The following ADGRL2 variants were observed in gnomAD, a reference collection of about 807,000 sequenced individuals.
ADGRL2 encodes adhesion G protein-coupled receptor L2, also known as calcium-independent alpha-latrotoxin receptor 2.
Under a neutral mutation model 157.4 loss-of-function variants are expected in ADGRL2, and 44 were observed. That is an observed-to-expected ratio of 0.28 (90% CI 0.22 to 0.36). The LOEUF (loss-of-function observed/expected upper bound fraction) is 0.36, where lower values mean the gene tolerates loss of function less well. Among genes scored for constraint, ADGRL2 ranks in the 10% least tolerant of loss-of-function variants. The pLI is 1.00. For synonymous variants in ADGRL2, 585 were observed against 624.7 expected (o/e 0.94, Z 0.95); for missense variants, 1,510 against 1,768.9 (o/e 0.85, Z 2.63).
At chr1:81,410,316 C>T (rs564082120) in intron 1 of ADGRL2, among the ~76,000 whole-genome samples, 25 of 152,284 alleles carry the variant, frequency 1.6e-4, no homozygotes, top group African/African-American at 6.0e-4. Context: ...AATTTAGGTT[C>T]TTCTTTAAAG....
At chr1:81,881,183 A>G (rs572489746) in intron 2 of ADGRL2, among the ~76,000 whole-genome samples, 1 of 151,970 alleles carries the variant, frequency 6.6e-6, no homozygotes, top group Non-Finnish European at 1.5e-5. Flanking sequence ...CAAATATTTT[A>G]TTTTATTTTT....
intron 6 of ADGRL2, among the ~76,000 whole-genome samples, chr1:81,949,115 A>C (rs1202466005): frequency 6.6e-6 from 1 of 152,142 alleles, no homozygotes; most frequent in Admixed American, 6.5e-5. Flanking sequence ...AAACATAGCT[A>C]TTTTTCATTT....
At position 81,328,698 on chromosome 1, in the gene ADGRL2, T is replaced by C. The variant is rs557878830; in HGVS notation, c.-302+22189T>C. Among the ~76,000 whole-genome samples, 5 of 152,154 alleles carry C rather than the reference T, an allele frequency of 3.3e-5. No individual in the cohort carries two copies. In the South Asian group the frequency reaches 1.0e-3, roughly 32 times the overall value. On this transcript the variant is annotated intron_variant, in intron 1 of 24. Transcript: ENST00000370721. ...AGAACGTTCAGATACTTTAACATAGTTAGCTATGTTAAAGTACCCTGTGGT... is the reference window on the plus strand; with the variant it reads ...AGAACGTTCAGATACTTTAACATAGCTAGCTATGTTAAAGTACCCTGTGGT...
chr1:81,875,813 ATATTGT>A (rs1178948304), intron 2 of ADGRL2, among the ~76,000 whole-genome samples: 40 of 152,192 alleles, frequency 2.6e-4, no homozygotes, highest in Admixed American at 1.8e-3. Context: ...CATTTTTGTA[ATATTGT>A]TTTCAAAATG....
rs986505512 is a variant in ADGRL2, at chr1:81,513,804, C to G, written c.-247-67072C>G. 4.6e-5 allele frequency: 7 copies of G among 152,180 alleles called. 1 individual carries two copies. The highest frequency in any genetic ancestry group is 3.9e-4 in the Admixed American group (6 of 15,272). 9.4% of individuals were successfully genotyped at this position (152,180 alleles called of 1,614,324 possible). The stretch of plus-strand genomic sequence containing the variant: ...TCCTAACCTGGAAGAGGAAATGTTT[C>G]TAAAATACAGCTGCATATCAATGTC... On this transcript the variant is annotated intron_variant, in intron 2 of 24. Transcript: ENST00000370721.
chr1:81,989,226 T>C (rs1302204082), intron 23 of ADGRL2, among the ~76,000 whole-genome samples: 1 of 152,202 alleles, frequency 6.6e-6, no homozygotes, highest in Non-Finnish European at 1.5e-5. Context: ...CTTTCATTCC[T>C]TTAGAGATAA....
chr1:81,349,973 T>C (rs929775382), intron 1 of ADGRL2, among the ~76,000 whole-genome samples: 11 of 152,260 alleles, frequency 7.2e-5, no homozygotes, highest in Non-Finnish European at 1.3e-4. Flanking sequence ...TTTATCATTT[T>C]TTTTCCCCTG....
intron 14 of ADGRL2, among the ~76,000 whole-genome samples, chr1:81,968,632 T>C (rs540793270): frequency 5.3e-5 from 8 of 152,346 alleles, no homozygotes; most frequent in African/African-American, 1.7e-4. Flanking sequence ...AAATGGCTTC[T>C]GGAATATGTC....
intron 1 of ADGRL2, among the ~76,000 whole-genome samples, chr1:81,377,563 C>G (rs1254984905): frequency 6.6e-6 from 1 of 152,048 alleles, no homozygotes; most frequent in Non-Finnish European, 1.5e-5. Context: ...GTTAAAAACC[C>G]TCAGATTCAT....
At chr1:81,412,418 T>C (rs2076961545) in intron 1 of ADGRL2, among the ~76,000 whole-genome samples, 1 of 152,256 alleles carries the variant, frequency 6.6e-6, no homozygotes, top group South Asian at 2.1e-4. Context: ...ATCTTTCCTC[T>C]TCACCATCTT....
At chr1:81,770,470 C>G (rs1169314873) in intron 2 of ADGRL2, among the ~76,000 whole-genome samples, 1 of 140,658 alleles carries the variant, frequency 7.1e-6, no homozygotes, top group Non-Finnish European at 1.5e-5. Context: ...TGCCTTTTTT[C>G]AATGTTTTTC....
At chr1:81,322,087 C>CATATATATATATATATATATATAT (rs148181887) in intron 1 of ADGRL2, among the ~76,000 whole-genome samples, 5 of 112,426 alleles carry the variant, frequency 4.4e-5, no homozygotes, top group Admixed American at 1.0e-4. Context: ...AGGACTAATT[C>CATATATATATATATATATATATAT]ATATATATAT....
chr1:81,844,138 T>A (rs983099422), intron 2 of ADGRL2, among the ~76,000 whole-genome samples: 19 of 152,164 alleles, frequency 1.2e-4, no homozygotes, highest in Non-Finnish European at 5.9e-5. Flanking sequence ...TAAATAATAA[T>A]TTGCTAAAAG....
chr1:81,621,015 C>G (rs182558640), intron 3 of ADGRL2, among the ~76,000 whole-genome samples: 65 of 152,332 alleles, frequency 4.3e-4, no homozygotes, highest in Non-Finnish European at 7.3e-4. Context: ...AGAATCTCAA[C>G]AGGAGTGCGG....
chr1:81,726,406 G>C (rs2084530880), intron 1 of ADGRL2, among the ~76,000 whole-genome samples: 1 of 152,166 alleles, frequency 6.6e-6, no homozygotes, highest in Non-Finnish European at 1.5e-5. Flanking sequence ...GTCCCATACA[G>C]TAACAACTAG....
chr1:81,494,987 C>T (rs1228461094), intron 2 of ADGRL2, among the ~76,000 whole-genome samples: 1 of 152,080 alleles, frequency 6.6e-6, no homozygotes, highest in African/African-American at 2.4e-5. Context: ...TAACTATTAA[C>T]TCCTTTTAAG....
intron 1 of ADGRL2, among the ~76,000 whole-genome samples, chr1:81,334,682 C>T (rs1661511603): frequency 6.6e-6 from 1 of 152,204 alleles, no homozygotes; most frequent in Admixed American, 6.5e-5. Flanking sequence ...GTAACTTTTA[C>T]TATATTCTTT....
chr1:81,814,170 G>T (rs550550291), intron 1 of ADGRL2, among the ~76,000 whole-genome samples: 1 of 151,696 alleles, frequency 6.6e-6, no homozygotes, highest in South Asian at 2.1e-4. Context: ...AATTATCAAA[G>T]AAAATTTTAT....
chr1:81,468,129 GA>G (rs2078098723), intron 2 of ADGRL2, among the ~76,000 whole-genome samples: 1 of 152,008 alleles, frequency 6.6e-6, no homozygotes, highest in Non-Finnish European at 1.5e-5. Context: ...TTTTTCTAGG[GA>G]AAAGAAAATA....
Sources: allele counts gnomAD v4.1 joint callset (sites outside exome capture counted in the v4.1 genomes callset), GRCh38; gene constraint gnomAD v4.1.1; transcripts MANE v1.5; gene names NCBI Gene and HGNC (gene_info 2026-07-23, HGNC 2026-07-21).